GPBP1: variants seen among roughly 807,000 people sequenced by gnomAD.
GPBP1 encodes the protein vasculin.
GPBP1 carries 13 observed loss-of-function variants against 56.5 expected under a neutral mutation model. That is an observed-to-expected ratio of 0.23 (90% CI 0.15 to 0.37). The LOEUF is 0.37. Among genes scored for constraint, GPBP1 ranks in the 10% least tolerant of loss-of-function variants. The pLI, the probability that GPBP1 is intolerant of heterozygous loss-of-function variation, is 1.00. For synonymous variants in GPBP1, 204 were observed against 188.9 expected, an observed-to-expected ratio of 1.08 and a Z score of -0.66; for missense variants, 477 against 572.3, an observed-to-expected ratio of 0.83 and a Z score of 1.70.
chr5:57,193,486 C>T (rs570620402), intron 2 of GPBP1, among the ~76,000 whole-genome samples: 10 of 151,656 alleles, frequency 6.6e-5, no homozygotes, highest in African/African-American at 1.2e-4. Flanking sequence ...TGGTGACTTG[C>T]GCCTGTAGTC....
intron 3 of GPBP1, among the ~76,000 whole-genome samples, chr5:57,215,129 A>C (rs1185964712): frequency 6.6e-6 from 1 of 152,222 alleles, no homozygotes; most frequent in Non-Finnish European, 1.5e-5. Context: ...TTTTACTCTT[A>C]CATGGATTGA....
intron 6 of GPBP1, 87 bp from the exon 7 acceptor site, chr5:57,246,213 T>A (rs1002773050): frequency 6.4e-5 from 62 of 972,474 alleles, no homozygotes; most frequent in African/African-American, 9.9e-5. Flanking sequence ...AAAAAAAAAA[T>A]TTGGAATATA....
At chr5:57,222,665 C>T (rs1756003657) in intron 3 of GPBP1, among the ~76,000 whole-genome samples, 1 of 152,030 alleles carries the variant, frequency 6.6e-6, no homozygotes, top group East Asian at 1.9e-4. Flanking sequence ...ATGGACTAAA[C>T]TGTAGAAATA....
intron 10 of GPBP1, among the ~76,000 whole-genome samples, chr5:57,251,654 A>G (rs1741399130): frequency 1.3e-5 from 2 of 149,828 alleles, no homozygotes; most frequent in South Asian, 4.2e-4. Context: ...GTGAACATTC[A>G]TATATAAGTT....
Position 57,258,994 on chromosome 5 carries a change from TTAA to T in GPBP1, c.1161-2183_1161-2181del, listed in dbSNP as rs1580088932. 5.3e-5 allele frequency among the ~76,000 whole-genome samples: 8 copies of T among 152,362 alleles called. No individual in the cohort carries two copies. The East Asian group carries it at 1.5e-3, about 29-fold the overall frequency. On this transcript the variant is annotated intron_variant, in intron 10 of 11. Coordinates refer to ENST00000506184, the MANE Select transcript of GPBP1 (RefSeq NM_022913.4). ...GTTAGATTGTTTTGCTAGTCTAGAT[TTAA>T]TAGTCTCTGTATTAGGTGTCATTGA...
At chr5:57,193,081 C>T (rs1472288657) in intron 2 of GPBP1, among the ~76,000 whole-genome samples, 3 of 152,112 alleles carry the variant, frequency 2.0e-5, no homozygotes, top group Admixed American at 2.0e-4. Context: ...CTTTGGGACG[C>T]CAAGGCGAGT....
intron 10 of GPBP1, among the ~76,000 whole-genome samples, chr5:57,260,209 G>A (rs1007074449): frequency 1.3e-5 from 2 of 152,112 alleles, no homozygotes; most frequent in Non-Finnish European, 2.9e-5. Flanking sequence ...GTTGTTAATC[G>A]TCAGTCCTCT....
chr5:57,186,615 G>C (rs1579977081), intron 2 of GPBP1, among the ~76,000 whole-genome samples: 2 of 152,118 alleles, frequency 1.3e-5, no homozygotes, highest in Non-Finnish European at 2.9e-5. Flanking sequence ...CTGTCACCCA[G>C]GCTGGAGTGC....
rs756730058 is a variant in GPBP1 at position 57,251,083 on chromosome 5, C to G, written c.1102C>G (p.Arg368Gly). The G allele has an allele frequency of 6.2e-7, 1 of 1,612,872 alleles. No homozygotes were observed. Among genetic ancestry groups the G allele is most frequent in the Admixed American group, 1.7e-5 (1 of 59,808 alleles). ...NASVISQQII[R>G]SSTFPQTDVL... ...CTCAGTGATTTCCCAGCAGATCATT[C>G]GGTCTTCAACCTTCCCACAAACTGA... Residue 368 changes from arginine to glycine, a missense_variant, in exon 10 of 12, where the codon CGG becomes GGG. This residue lies in a region of GPBP1 where 414 missense variants were observed against 458.2 expected (regional missense o/e 0.90). Transcript: ENST00000506184.
At chr5:57,208,655 C>CTTTTTTTTTTTT (rs70999065) in intron 2 of GPBP1, among the ~76,000 whole-genome samples, 1 of 119,070 alleles carries the variant, frequency 8.4e-6, no homozygotes, top group Non-Finnish European at 1.7e-5. Flanking sequence ...TTTTGTTTTT[C>CTTTTTTTTTTTT]TTTTTTTTTT....
At chr5:57,245,202 T>TAG (rs1741035634) in intron 6 of GPBP1, among the ~76,000 whole-genome samples, 1 of 152,222 alleles carries the variant, frequency 6.6e-6, no homozygotes, top group Admixed American at 6.5e-5. Context: ...ATCTTTACCC[T>TAG]AGTAAGTCAA....
Position 57,192,753 on chromosome 5 carries a change from CAA to C in GPBP1, c.-58+16373_-58+16374del, listed in dbSNP as rs70999061. ...GGGCAACGAGAGCGGAACTCCGTCT[CAA>C]AAAAAAAAAAAAAAAAAAATTAGGA... On this transcript the variant is annotated intron_variant, in intron 2 of 11. Coordinates refer to ENST00000506184, the MANE Select transcript of GPBP1 (RefSeq NM_022913.4). Among the ~76,000 whole-genome samples, 279 of 103,198 alleles carry C rather than the reference CAA, an allele frequency of 2.7e-3. 1 individual carries two copies. Among genetic ancestry groups the C allele is most frequent in the Middle Eastern group, 0.011 (2 of 186 alleles). The allele number at this position is 103,198 out of a possible 152,430, so 67.7% of individuals were successfully genotyped here. A position where few individuals can be genotyped will look rare whatever the true frequency, so the allele number is the denominator to read the frequency against.
chr5:57,193,613 CAA>C (rs1194542329), intron 2 of GPBP1, among the ~76,000 whole-genome samples: 23 of 61,510 alleles, frequency 3.7e-4, no homozygotes, highest in Admixed American at 2.0e-3. Context: ...GACCCTGTCT[CAA>C]AAAAAAAAAA....
At chr5:57,232,494 C>T (rs997253767) in intron 5 of GPBP1, among the ~76,000 whole-genome samples, 1 of 152,212 alleles carries the variant, frequency 6.6e-6, no homozygotes, top group African/African-American at 2.4e-5. Flanking sequence ...GGCATTAAGT[C>T]ATAGACTGTT....
At chr5:57,228,898 A>G (rs1423394986) in intron 3 of GPBP1, among the ~76,000 whole-genome samples, 1 of 152,070 alleles carries the variant, frequency 6.6e-6, no homozygotes, top group African/African-American at 2.4e-5. Context: ...GAAGTAAGCA[A>G]GCATATATGT....
chr5:57,186,051 T>C (rs561186459), intron 2 of GPBP1, among the ~76,000 whole-genome samples: 2 of 152,268 alleles, frequency 1.3e-5, no homozygotes, highest in East Asian at 3.9e-4. Context: ...TCTCTCAGAC[T>C]GTGGTTTGTT....
chr5:57,252,934 C>A (rs1447915034), intron 10 of GPBP1, among the ~76,000 whole-genome samples: 5 of 152,028 alleles, frequency 3.3e-5, no homozygotes, highest in Non-Finnish European at 1.5e-5. Context: ...TTCTCGAATT[C>A]CTGACCTCAA....
intron 3 of GPBP1, among the ~76,000 whole-genome samples, chr5:57,224,713 T>C (rs768573743): frequency 1.3e-5 from 2 of 152,028 alleles, no homozygotes; most frequent in Non-Finnish European, 2.9e-5. Flanking sequence ...CTGTACCCAG[T>C]TTATAGTTTT....
At chr5:57,192,433 G>A (rs1474481813) in intron 2 of GPBP1, among the ~76,000 whole-genome samples, 6 of 152,182 alleles carry the variant, frequency 3.9e-5, no homozygotes, top group South Asian at 2.1e-4. Flanking sequence ...CAGCAGTAGT[G>A]TAAGACAGTG....
Sources: gnomAD v4.1 joint callset for allele counts (sites outside exome capture counted in the v4.1 genomes callset) on GRCh38, gnomAD v4.1.1 for gene constraint, gnomAD v4.1.1 regional missense constraint, MANE v1.5 for transcripts, NCBI Gene and HGNC (gene_info 2026-07-23, HGNC 2026-07-21) for gene names.